Variants in GHR observed in about 807,000 individuals in gnomAD.
GHR encodes the protein GH receptor.
Under a neutral mutation model 67.1 loss-of-function variants are expected in GHR, and 35 were observed. The observed-to-expected ratio is 0.52, with a 90% confidence interval of 0.40 to 0.69. The LOEUF (loss-of-function observed/expected upper bound fraction) is 0.69, where lower values mean the gene tolerates loss of function less well. Ranked by LOEUF, GHR falls within the 30% of genes least tolerant of loss-of-function variation. The pLI is 0.00. For synonymous variants in GHR, 272 were observed against 269.1 expected (o/e 1.01, Z -0.10); for missense variants, 792 against 764.6 (o/e 1.04, Z -0.42).
At chr5:42,573,030 A>T (rs1750420653) in intron 2 of GHR, among the ~76,000 whole-genome samples, 1 of 152,220 alleles carries the variant, frequency 6.6e-6, no homozygotes. Context: ...TGACCATTCC[A>T]TGCCCTGTGT....
chr5:42,565,808 T>C, intron 1 of GHR, 56 bp from the exon 2 acceptor site: 1 of 1,613,534 alleles, frequency 6.2e-7, no homozygotes, highest in Non-Finnish European at 8.5e-7. Context: ...CAGTATTTCA[T>C]GATAATGGTC....
At chr5:42,677,066 A>G (rs368053061) in intron 3 of GHR, among the ~76,000 whole-genome samples, 58 of 152,252 alleles carry the variant, frequency 3.8e-4, no homozygotes, top group African/African-American at 1.3e-3. Flanking sequence ...TAAAATAAAG[A>G]AAAAAGTAAA....
At chr5:42,431,865 T>C (rs1002976498) in intron 1 of GHR, among the ~76,000 whole-genome samples, 1 of 152,128 alleles carries the variant, frequency 6.6e-6, no homozygotes, top group Non-Finnish European at 1.5e-5. Flanking sequence ...CATCAAGAGT[T>C]TGCAAATTGA....
chr5:42,632,424 C>A (rs531404444), intron 3 of GHR, among the ~76,000 whole-genome samples: 4 of 152,268 alleles, frequency 2.6e-5, no homozygotes, highest in South Asian at 2.1e-4. Context: ...TCAAACCAGA[C>A]CAGCTAAAAT....
At chr5:42,558,746 TG>T (rs1749444496) in intron 1 of GHR, among the ~76,000 whole-genome samples, 1 of 152,212 alleles carries the variant, frequency 6.6e-6, no homozygotes, top group Non-Finnish European at 1.5e-5. Flanking sequence ...ATACACTCTG[TG>T]GTGTTCACAG....
At chr5:42,574,299 T>G (rs1750515900) in intron 2 of GHR, among the ~76,000 whole-genome samples, 1 of 152,198 alleles carries the variant, frequency 6.6e-6, no homozygotes, top group Non-Finnish European at 1.5e-5. Flanking sequence ...AGAAAGTACA[T>G]GAAGTGCCAT....
intron 1 of GHR, chr5:42,467,503 G>A: frequency 5.4e-6 from 6 of 1,114,480 alleles, no homozygotes; most frequent in South Asian, 5.1e-5. Context: ...CTGGTGCCGA[G>A]CAAGTTGTGA....
chr5:42,592,362 C>A (rs769424143), intron 2 of GHR, among the ~76,000 whole-genome samples: 1 of 152,132 alleles, frequency 6.6e-6, no homozygotes, highest in Non-Finnish European at 1.5e-5. Flanking sequence ...TTTCATCACC[C>A]AGGTAATAAA....
At chr5:42,517,156 T>C (rs1253884627) in intron 1 of GHR, among the ~76,000 whole-genome samples, 5 of 152,214 alleles carry the variant, frequency 3.3e-5, no homozygotes, top group Non-Finnish European at 7.3e-5. Context: ...TTGAAGTTCT[T>C]TCCTCTAAGA....
At chr5:42,718,320 T>A in intron 9 of GHR, 133 bp from the exon 10 acceptor site, 1 of 742,936 alleles carries the variant, frequency 1.3e-6, no homozygotes, top group Non-Finnish European at 2.2e-6. Flanking sequence ...TACACACTAA[T>A]TTATGTTTTT....
At chr5:42,503,830 C>T (rs1485796249) in intron 1 of GHR, among the ~76,000 whole-genome samples, 2 of 151,442 alleles carry the variant, frequency 1.3e-5, no homozygotes, top group Non-Finnish European at 2.9e-5. Context: ...CATAAAAGGA[C>T]GAGGCTTATG....
At chr5:42,491,545 T>C (rs1464875287) in intron 1 of GHR, among the ~76,000 whole-genome samples, 1 of 152,224 alleles carries the variant, frequency 6.6e-6, no homozygotes, top group Non-Finnish European at 1.5e-5. Context: ...GCTACAGAGT[T>C]CTATTAAGAA....
chr5:42,480,373 G>A (rs547325117), intron 1 of GHR, among the ~76,000 whole-genome samples: 4 of 152,258 alleles, frequency 2.6e-5, no homozygotes, highest in Non-Finnish European at 5.9e-5. Context: ...GTTGATTTGG[G>A]GTGGAGAGTT....
intron 1 of GHR, among the ~76,000 whole-genome samples, chr5:42,561,611 T>C (rs754870916): frequency 1.3e-5 from 2 of 152,226 alleles, no homozygotes; most frequent in Non-Finnish European, 2.9e-5. Flanking sequence ...TTAAAATTCA[T>C]GCCAGCTGCA....
intron 2 of GHR, among the ~76,000 whole-genome samples, chr5:42,623,845 T>C (rs1753574233): frequency 6.6e-6 from 1 of 152,246 alleles, no homozygotes; most frequent in South Asian, 2.1e-4. Flanking sequence ...CCACAGTTCG[T>C]AATGGTTTCA....
intron 2 of GHR, among the ~76,000 whole-genome samples, chr5:42,599,825 G>A (rs1438132437): frequency 6.6e-6 from 1 of 152,064 alleles, no homozygotes; most frequent in African/African-American, 2.4e-5. Flanking sequence ...TTGAACAGTT[G>A]GCTAGACTTA....
intron 1 of GHR, among the ~76,000 whole-genome samples, chr5:42,453,139 G>A (rs1744121162): frequency 6.6e-6 from 1 of 151,688 alleles, no homozygotes; most frequent in South Asian, 2.1e-4. Flanking sequence ...TGCTTGTAGG[G>A]GTGAAGACTC....
intron 1 of GHR, among the ~76,000 whole-genome samples, chr5:42,543,931 C>A (rs548516230): frequency 1.3e-5 from 2 of 151,802 alleles, no homozygotes; most frequent in Non-Finnish European, 1.5e-5. Flanking sequence ...AAAAAAACAA[C>A]CTAATATTGC....
chr5:42,674,051 A>G (rs1756449139), intron 3 of GHR, among the ~76,000 whole-genome samples: 1 of 152,140 alleles, frequency 6.6e-6, no homozygotes, highest in Admixed American at 6.5e-5. Context: ...TCTGCCAGCT[A>G]CTAAGTTTCA....
Sources: gnomAD v4.1 joint callset for allele counts (sites outside exome capture counted in the v4.1 genomes callset) on GRCh38, gnomAD v4.1.1 for gene constraint, MANE v1.5 for transcripts, NCBI Gene and HGNC (gene_info 2026-07-23, HGNC 2026-07-21) for gene names.